Variants in PDSS1 observed in about 807,000 individuals in gnomAD.
PDSS1 encodes decaprenyl diphosphate synthase subunit 1, also known as all trans-polyprenyl-diphosphate synthase PDSS1.
Under a neutral mutation model 57.5 loss-of-function variants are expected in PDSS1, and 43 were observed. The observed-to-expected ratio is 0.75, with a 90% CI of 0.59 to 0.96. The LOEUF (loss-of-function observed/expected upper bound fraction) is 0.96, where lower values mean the gene tolerates loss of function less well. PDSS1 is among the 50% of genes least tolerant of loss of function. PDSS1 has a pLI of 0.00. For missense variants in PDSS1, 438 were observed against 527.8 expected (o/e 0.83, Z 1.67); for synonymous variants, 175 against 191.3 (o/e 0.91, Z 0.70).
At chr10:26,744,504 C>T (rs1344013198) in intron 11 of PDSS1, among the ~76,000 whole-genome samples, 1 of 152,152 alleles carries the variant, frequency 6.6e-6, no homozygotes, top group Non-Finnish European at 1.5e-5. Flanking sequence ...GATTCTCCTG[C>T]CTCAGCCTCC....
intron 8 of PDSS1, among the ~76,000 whole-genome samples, chr10:26,730,590 C>T (rs1588698041): frequency 6.6e-6 from 1 of 151,708 alleles, no homozygotes. Flanking sequence ...AGCCTGGCAA[C>T]AGAGTGAGAC....
intron 5 of PDSS1, chr10:26,717,670 CAGCAGG>C (rs1474119297): frequency 1.3e-5 from 2 of 152,172 alleles, no homozygotes; most frequent in Admixed American, 1.3e-4. Context: ...TGCAACTTCT[CAGCAGG>C]AGCCCCGTCT....
chr10:26,732,722 CA>C (rs1836255319), intron 8 of PDSS1, among the ~76,000 whole-genome samples: 1 of 152,212 alleles, frequency 6.6e-6, no homozygotes, highest in Non-Finnish European at 1.5e-5. Flanking sequence ...TTATCATCAC[CA>C]ACCACATAAT....
intron 1 of PDSS1, among the ~76,000 whole-genome samples, chr10:26,698,937 A>C (rs1834961180): frequency 1.3e-5 from 2 of 152,214 alleles, no homozygotes; most frequent in African/African-American, 4.8e-5. Context: ...CAGCCTAGGC[A>C]ACATAGCAAG....
At chr10:26,742,721 G>A (rs1836671907) in intron 11 of PDSS1, 144 bp downstream of exon 11, 2 of 668,786 alleles carry the variant, frequency 3.0e-6, no homozygotes, top group East Asian at 5.4e-5. Flanking sequence ...ACTGAGAAGG[G>A]AAAACTCATT....
chr10:26,715,360 T>C (rs569207897), intron 5 of PDSS1: 2 of 151,730 alleles, frequency 1.3e-5, no homozygotes, highest in Non-Finnish European at 2.9e-5. Context: ...GCACCCTCCA[T>C]GCCAGGATGA....
At chr10:26,721,131 C>A (rs1588687744) in intron 6 of PDSS1, among the ~76,000 whole-genome samples, 4 of 152,050 alleles carry the variant, frequency 2.6e-5, no homozygotes, top group African/African-American at 9.6e-5. Context: ...CAAGGCAAAA[C>A]CCTGTCACCA....
Position 26,712,092 on chromosome 10 carries a change from CCT to C in PDSS1, c.467+2325_467+2326del, listed in dbSNP as rs1356123685. 9.7e-4 allele frequency among the ~76,000 whole-genome samples: 89 copies of C among 91,552 alleles called. 33 individuals are homozygous for C. Among genetic ancestry groups the C allele is most frequent in the Non-Finnish European group, 3.7e-4 (15 of 40,192 alleles). The allele number at this position is 91,552 out of a possible 152,430, so 60.1% of individuals were successfully genotyped here. ...TCCCAGCTCACTGCAACTTCCACCT[CCT>C]GGGTTCAAGCAATTCTCCTGCCTCA... On this transcript the variant is annotated intron_variant, in intron 5 of 11. Transcript: ENST00000376215.
At position 26,723,830 on chromosome 10, in the gene PDSS1, C is replaced by T. The variant is rs766225494; in HGVS notation, c.634C>T (p.Leu212Phe). 5 of 1,612,274 alleles carry T rather than the reference C, an allele frequency of 3.1e-6. No homozygotes were observed. Among genetic ancestry groups the T allele is most frequent in the Non-Finnish European group, 4.2e-6 (5 of 1,178,324 alleles). ...KKAVLAGDLILSAASIALARI... is the reference protein window; with the variant it reads ...KKAVLAGDLIFSAASIALARI... The stretch of plus-strand genomic sequence containing the variant: ...GGCTGTTCTTGCTGGAGATTTAATT[C>T]TTTCTGCAGCATCTATAGCTCTGGC... The change falls in exon 7 of 12, where the codon CTT (leucine) becomes TTT (phenylalanine). Residue 212 changes from leucine to phenylalanine, a missense_variant. Leu to Phe is a conservative substitution (Grantham distance 22). Coordinates refer to ENST00000376215, the MANE Select transcript of PDSS1 (RefSeq NM_014317.5).
intron 2 of PDSS1, among the ~76,000 whole-genome samples, 184 bp downstream of exon 2, chr10:26,702,378 T>G (rs369955026): frequency 6.6e-6 from 1 of 152,302 alleles, no homozygotes; most frequent in East Asian, 1.9e-4. Context: ...AATCCCCATG[T>G]GTCAAAGGAG....
At chr10:26,715,217 A>G (rs1835523637) in intron 5 of PDSS1, 2 of 152,150 alleles carry the variant, frequency 1.3e-5, no homozygotes, top group African/African-American at 2.4e-5. Context: ...ACAGTAAGGG[A>G]CACCCATTAA....
chr10:26,724,202 G>T (rs984089261), intron 8 of PDSS1, 79 bp downstream of exon 8: 4 of 1,012,834 alleles, frequency 3.9e-6, no homozygotes, highest in South Asian at 1.3e-5. Flanking sequence ...AAATATTTCG[G>T]TGAAGAATCT....
chr10:26,700,267 G>A (rs747985246), intron 1 of PDSS1, among the ~76,000 whole-genome samples: 5 of 30,944 alleles, frequency 1.6e-4, no homozygotes, highest in African/African-American at 5.1e-4. Flanking sequence ...CCCCCACCCC[G>A]CTTGAGGATT....
At chr10:26,718,217 A>G (rs1389617704) in intron 5 of PDSS1, 1 of 151,976 alleles carries the variant, frequency 6.6e-6, no homozygotes, top group Admixed American at 6.6e-5. Context: ...TAATCTTTGT[A>G]TTTTAAGTAG....
intron 5 of PDSS1, chr10:26,717,596 T>C (rs1304240691): frequency 1.3e-5 from 2 of 152,210 alleles, no homozygotes; most frequent in Non-Finnish European, 2.9e-5. Flanking sequence ...GAAATCTTTG[T>C]TGTAATAATA....
At chr10:26,727,049 G>C (rs1199104720) in intron 8 of PDSS1, among the ~76,000 whole-genome samples, 4 of 125,920 alleles carry the variant, frequency 3.2e-5, no homozygotes, top group African/African-American at 1.2e-4. Context: ...GCAATAGAGC[G>C]AGAGTCTCTC....
At chr10:26,735,426 C>A in intron 9 of PDSS1, 40 bp from the exon 10 acceptor site, 1 of 1,417,644 alleles carries the variant, frequency 7.1e-7, no homozygotes, top group Non-Finnish European at 1.0e-6. Flanking sequence ...GCAGTGTTGG[C>A]ATGGCGGTGC....
chr10:26,715,489 C>T (rs1254388616), intron 5 of PDSS1: 1 of 152,118 alleles, frequency 6.6e-6, no homozygotes, highest in African/African-American at 2.4e-5. Context: ...CTCTGCCTCC[C>T]AGGTTCAAGC....
intron 5 of PDSS1, chr10:26,718,102 G>A (rs1017510140): frequency 6.6e-6 from 1 of 151,934 alleles, no homozygotes; most frequent in Admixed American, 6.6e-5. Flanking sequence ...GGAGTGCAGT[G>A]GCATAATCTC....
Sources: allele counts gnomAD v4.1 joint callset (sites outside exome capture counted in the v4.1 genomes callset), GRCh38; gene constraint gnomAD v4.1.1; transcripts MANE v1.5; gene names NCBI Gene and HGNC (gene_info 2026-07-23, HGNC 2026-07-21).